The following SPRY3 variants were observed in gnomAD, a reference collection of about 807,000 sequenced individuals.
SPRY3 encodes the protein protein sprouty homolog 3.
In SPRY3, 15 loss-of-function variants were observed where a neutral mutation model predicts 20.2. The observed-to-expected ratio is 0.74, with a 90% CI of 0.50 to 1.14. SPRY3 has a LOEUF of 1.14. SPRY3 is among the 50% of genes most tolerant of loss of function. The pLI, the probability that SPRY3 is intolerant of heterozygous loss-of-function variation, is 0.00. For missense variants in SPRY3, 364 were observed against 363.9 expected (o/e 1.00, Z 0.00); for synonymous variants, 143 against 136.5 (o/e 1.05, Z -0.33).
At chrX:155,731,601 A>C (rs1177270650) in intron 2 of SPRY3, among the ~76,000 whole-genome samples, 1 of 152,074 alleles carries the variant, frequency 6.6e-6, no homozygotes, top group Admixed American at 6.6e-5. Flanking sequence ...GACGGGGCAA[A>C]GATTTCTTAA....
chrX:155,758,661 C>A (rs2091292440), intron 2 of SPRY3, among the ~76,000 whole-genome samples: 1 of 151,940 alleles, frequency 6.6e-6, no homozygotes, highest in African/African-American at 2.4e-5. Flanking sequence ...TGGGATGTGT[C>A]CTGGGAGAAA....
At chrX:155,723,907 A>G (rs1187817534) in intron 2 of SPRY3, among the ~76,000 whole-genome samples, 1 of 152,022 alleles carries the variant, frequency 6.6e-6, no homozygotes, top group African/African-American at 2.4e-5. Flanking sequence ...CAGGGTTTTT[A>G]ATGGTTTTAG....
At chrX:155,708,403 T>C (rs1310574890) in intron 2 of SPRY3, among the ~76,000 whole-genome samples, 2 of 151,378 alleles carry the variant, frequency 1.3e-5, no homozygotes, top group African/African-American at 2.4e-5. Context: ...CATTCCCTTA[T>C]ACATGATGAG....
chrX:155,646,767 T>G (rs935901261), intron 1 of SPRY3, among the ~76,000 whole-genome samples: 2 of 111,133 alleles, frequency 1.8e-5, no homozygotes, highest in African/African-American at 6.5e-5. Flanking sequence ...CTCAGCTTCT[T>G]TTTATTTCCT....
At chrX:155,725,161 G>A (rs933149175) in intron 2 of SPRY3, among the ~76,000 whole-genome samples, 1 of 152,136 alleles carries the variant, frequency 6.6e-6, no homozygotes, top group African/African-American at 2.4e-5. Flanking sequence ...GCATCCCAGG[G>A]ATAAAGCCAA....
intron 2 of SPRY3, among the ~76,000 whole-genome samples, chrX:155,762,692 A>C (rs2091309353): frequency 6.6e-6 from 1 of 152,172 alleles, no homozygotes; most frequent in Admixed American, 6.6e-5. Context: ...TATTATTAAG[A>C]AGTCAAAAAT....
At chrX:155,769,175 T>C (rs1401429367) in intron 3 of SPRY3, among the ~76,000 whole-genome samples, 1 of 152,204 alleles carries the variant, frequency 6.6e-6, no homozygotes, top group Non-Finnish European at 1.5e-5. Flanking sequence ...TATATATTTG[T>C]CTCTTTGTGT....
chrX:155,704,087 T>C, intron 2 of SPRY3, among the ~76,000 whole-genome samples: 1 of 151,832 alleles, frequency 6.6e-6, no homozygotes, highest in Admixed American at 6.6e-5. Flanking sequence ...CTACCCAACT[T>C]ATTCAACTTT....
Position 155,691,246 on chromosome X carries a change from C to G in SPRY3, c.-282+34221C>G, listed in dbSNP as rs182370206. ...TATTTCACTTTTATTATTATTTTTG[C>G]ATTGCTCAATTATATCAACTTTGGA... On this transcript the variant is annotated intron_variant, in intron 2 of 3. Transcript: ENST00000675360. 1.1e-3 allele frequency among the ~76,000 whole-genome samples: 99 copies of G among 87,430 alleles called. 23 individuals are homozygous for G. The highest frequency in any genetic ancestry group is 4.7e-3 in the African/African-American group (85 of 18,234). The allele number at this position is 87,430 out of a possible 115,157, so 75.9% of individuals were successfully genotyped here.
At chrX:155,744,584 A>C (rs1201490146) in intron 2 of SPRY3, among the ~76,000 whole-genome samples, 1 of 152,122 alleles carries the variant, frequency 6.6e-6, no homozygotes, top group Non-Finnish European at 1.5e-5. Flanking sequence ...CATGCTGTAC[A>C]GAAAAATACT....
intron 2 of SPRY3, among the ~76,000 whole-genome samples, chrX:155,690,665 C>T (rs770764829): frequency 1.2e-5 from 1 of 86,931 alleles, no homozygotes; most frequent in East Asian, 3.4e-4. Flanking sequence ...TATATTCACC[C>T]AATACAGGAG....
downstream of SPRY3, chrX:155,779,553 A>G (rs936418357): frequency 4.8e-5 from 8 of 167,050 alleles, no homozygotes; most frequent in Non-Finnish European, 1.2e-4. Flanking sequence ...TAATATAAAA[A>G]GGAATTTCAT....
At chrX:155,615,047 A>G (rs1378272281) in intron 1 of SPRY3, among the ~76,000 whole-genome samples, 1 of 106,609 alleles carries the variant, frequency 9.4e-6, no homozygotes, top group African/African-American at 3.4e-5. Context: ...TTTTTTTTTT[A>G]TCTGTGAAGG....
At chrX:155,706,097 T>C in intron 2 of SPRY3, among the ~76,000 whole-genome samples, 1 of 151,404 alleles carries the variant, frequency 6.6e-6, no homozygotes, top group South Asian at 2.1e-4. Context: ...TTCACCAATG[T>C]AGACCATACT....
At chrX:155,731,877 G>A (rs927050318) in intron 2 of SPRY3, among the ~76,000 whole-genome samples, 1 of 151,974 alleles carries the variant, frequency 6.6e-6, no homozygotes, top group Non-Finnish European at 1.5e-5. Context: ...AACAGTGCTT[G>A]CAAGTATTAA....
At chrX:155,690,307 G>C in intron 2 of SPRY3, among the ~76,000 whole-genome samples, 1 of 88,626 alleles carries the variant, frequency 1.1e-5, no homozygotes, top group Non-Finnish European at 2.1e-5. Context: ...CTTTTGGGTA[G>C]AGAGTTGATG....
At chrX:155,708,126 T>C (rs973076898) in intron 2 of SPRY3, among the ~76,000 whole-genome samples, 2 of 151,300 alleles carry the variant, frequency 1.3e-5, no homozygotes, top group Non-Finnish European at 3.0e-5. Flanking sequence ...AATTTATCAG[T>C]CTCTACTTTG....
chrX:155,767,785 G>A (rs2091349960), intron 2 of SPRY3, 177 bp from the exon 2 acceptor site: 1 of 151,330 alleles, frequency 6.6e-6, no homozygotes, highest in Non-Finnish European at 1.5e-5. Context: ...AGAGGAGGAG[G>A]TGAACAACTT....
In SPRY3 at chrX:155,658,196, T is replaced by C. The variant is rs1005948268; in HGVS notation, c.-282+1171T>C. On this transcript the variant is annotated intron_variant, in intron 2 of 3. Coordinates refer to ENST00000675360, the Ensembl canonical transcript of SPRY3. ...TTGGGCTCTTTTTTGGTTCCATATG[T>C]ACTTTATAATTTTTTTTTCTAATTC... is the stretch of plus-strand genomic sequence containing the variant. Among the ~76,000 whole-genome samples, 5 of 111,965 alleles carry C rather than the reference T, an allele frequency of 4.5e-5. No individual in the cohort carries two copies. The Admixed American group carries it at 4.7e-4, about 11-fold the overall frequency.
Sources: gnomAD v4.1 joint callset for allele counts (sites outside exome capture counted in the v4.1 genomes callset) on GRCh38, gnomAD v4.1.1 for gene constraint, MANE v1.5 for transcripts, NCBI Gene and HGNC (gene_info 2026-07-23, HGNC 2026-07-21) for gene names.